PRKCA: variants seen among roughly 807,000 people sequenced by gnomAD.
PRKCA encodes protein kinase C alpha, also known as protein kinase C alpha type.
A neutral mutation model predicts 87.0 loss-of-function variants in PRKCA; 27 were observed. The ratio of observed to expected loss-of-function variants is 0.31; its 90% confidence interval spans 0.23 to 0.43. The LOEUF is 0.43. Among genes scored for constraint, PRKCA ranks in the 20% least tolerant of loss-of-function variants. The probability of loss-of-function intolerance (pLI) is 1.00; values close to 1 mark genes in which losing one functional copy is unlikely to be tolerated. For synonymous variants in PRKCA, 329 were observed against 311.1 expected, an observed-to-expected ratio of 1.06 and a Z score of -0.61; for missense variants, 518 against 852.3, an observed-to-expected ratio of 0.61 and a Z score of 4.88.
At chr17:66,454,443 GT>G (rs753669846) in intron 2 of PRKCA, among the ~76,000 whole-genome samples, 16 of 152,292 alleles carry the variant, frequency 1.1e-4, no homozygotes, top group Non-Finnish European at 1.8e-4. Flanking sequence ...AGATTTGGGT[GT>G]TTAGGGTTGG....
At chr17:66,332,752 C>T (rs947698101) in intron 2 of PRKCA, among the ~76,000 whole-genome samples, 2 of 150,378 alleles carry the variant, frequency 1.3e-5, no homozygotes, top group Admixed American at 6.6e-5. Context: ...AGTGCAGTGG[C>T]ATGATCTCGG....
chr17:66,618,345 C>T (rs1970571986), intron 3 of PRKCA, among the ~76,000 whole-genome samples: 1 of 109,292 alleles, frequency 9.1e-6, no homozygotes, highest in African/African-American at 3.3e-5. Context: ...ATGAGTGAAA[C>T]CCTATCGCAA....
intron 3 of PRKCA, among the ~76,000 whole-genome samples, chr17:66,530,684 G>A (rs1967505147): frequency 6.6e-6 from 1 of 152,126 alleles, no homozygotes; most frequent in African/African-American, 2.4e-5. Context: ...AGGGAAAAGG[G>A]TGGCTCACTG....
chr17:66,319,738 T>C (rs1038653469), intron 2 of PRKCA, among the ~76,000 whole-genome samples: 15 of 148,526 alleles, frequency 1.0e-4, no homozygotes, highest in African/African-American at 3.5e-4. Flanking sequence ...TATACTTCTT[T>C]TTTTTTTTTA....
chr17:66,755,847 A>G (rs1328398371), intron 13 of PRKCA, among the ~76,000 whole-genome samples: 1 of 152,148 alleles, frequency 6.6e-6, no homozygotes, highest in African/African-American at 2.4e-5. Flanking sequence ...GTGCACCAGC[A>G]TTGGTGGTTG....
intron 2 of PRKCA, among the ~76,000 whole-genome samples, chr17:66,449,863 TG>T (rs536770164): frequency 2.3e-4 from 35 of 152,148 alleles, no homozygotes; most frequent in Non-Finnish European, 4.4e-4. Flanking sequence ...TTTTTGTTGT[TG>T]TTTTTTTGTT....
At chr17:66,383,310 A>G (rs1265921778) in intron 2 of PRKCA, among the ~76,000 whole-genome samples, 3 of 152,160 alleles carry the variant, frequency 2.0e-5, no homozygotes, top group African/African-American at 7.2e-5. Context: ...AAGGCATGGT[A>G]CTAATTTCAG....
chr17:66,747,141 C>A (rs960668171), intron 13 of PRKCA, among the ~76,000 whole-genome samples: 2 of 152,186 alleles, frequency 1.3e-5, no homozygotes, highest in Non-Finnish European at 2.9e-5. Context: ...GCAATCATAG[C>A]TCCATGCAGT....
In PRKCA at chr17:66,770,865, G is replaced by C. The variant is rs1261006241; in HGVS notation, c.1525-3122G>C. On this transcript the variant is annotated intron_variant, in intron 13 of 16. Coordinates refer to ENST00000413366, the MANE Select transcript of PRKCA (RefSeq NM_002737.3). ...TTGAGGAGTTCCTTGCCAAAGGCTGGGCTGGCTTAGATGAAGATGCACGTG... is the reference window on the plus strand; with the variant it reads ...TTGAGGAGTTCCTTGCCAAAGGCTGCGCTGGCTTAGATGAAGATGCACGTG... Among the ~76,000 whole-genome samples, 5 of 152,168 alleles carry C rather than the reference G, an allele frequency of 3.3e-5. No individual in the cohort carries two copies. In the East Asian group the frequency reaches 9.6e-4, roughly 29 times the overall value.
At chr17:66,679,174 C>CTT (rs10714678) in intron 5 of PRKCA, among the ~76,000 whole-genome samples, 1 of 121,056 alleles carries the variant, frequency 8.3e-6, no homozygotes, top group South Asian at 2.8e-4. Flanking sequence ...ACACTCACAC[C>CTT]TTTTTTTTTT....
intron 16 of PRKCA, among the ~76,000 whole-genome samples, chr17:66,795,067 C>T (rs1459955044): frequency 2.0e-5 from 3 of 152,040 alleles, no homozygotes; most frequent in South Asian, 2.1e-4. Context: ...TTTTTCTGAA[C>T]CATTTGAGAG....
chr17:66,359,971 C>T (rs1416858005), intron 2 of PRKCA, among the ~76,000 whole-genome samples: 1 of 152,152 alleles, frequency 6.6e-6, no homozygotes, highest in African/African-American at 2.4e-5. Context: ...CTGTTTTTAT[C>T]ACTCCTTAAA....
intron 3 of PRKCA, among the ~76,000 whole-genome samples, chr17:66,591,140 T>C (rs1021362251): frequency 2.0e-5 from 3 of 152,154 alleles, no homozygotes; most frequent in African/African-American, 7.2e-5. Context: ...ATTGTTGTTG[T>C]TGTTTACAAC....
chr17:66,382,322 G>A (rs773879331), intron 2 of PRKCA, among the ~76,000 whole-genome samples: 4 of 151,972 alleles, frequency 2.6e-5, no homozygotes, highest in Non-Finnish European at 5.9e-5. Flanking sequence ...TATTTATTTA[G>A]ACAGAGTCTC....
chr17:66,532,244 T>TA (rs755025122), intron 3 of PRKCA, among the ~76,000 whole-genome samples: 7 of 152,060 alleles, frequency 4.6e-5, no homozygotes, highest in Non-Finnish European at 1.0e-4. Flanking sequence ...TTCAGAGCTT[T>TA]AAAAAAGTCA....
At chr17:66,351,518 T>C (rs1483815753) in intron 2 of PRKCA, among the ~76,000 whole-genome samples, 1 of 152,166 alleles carries the variant, frequency 6.6e-6, no homozygotes, top group African/African-American at 2.4e-5. Flanking sequence ...TAATACCCTA[T>C]ATGTGGCTGT....
intron 2 of PRKCA, among the ~76,000 whole-genome samples, chr17:66,387,213 G>A (rs4536508): frequency 0.79 from 120,528 of 152,198 alleles, 48,224 homozygotes; most frequent in South Asian, 0.87. Context: ...CAACTGCAAC[G>A]AGTGAAATGC....
chr17:66,368,485 G>T (rs1207958716), intron 2 of PRKCA, among the ~76,000 whole-genome samples: 2 of 140,778 alleles, frequency 1.4e-5, no homozygotes, highest in Non-Finnish European at 3.0e-5. Context: ...CCATCTCCCA[G>T]GCTCAAGTGA....
intron 2 of PRKCA, chr17:66,415,984 C>T (rs1912122727): frequency 6.6e-6 from 1 of 152,208 alleles, no homozygotes; most frequent in Admixed American, 6.5e-5. Flanking sequence ...TGCATGCATT[C>T]CCATTCGTTA....
Sources: allele counts gnomAD v4.1 joint callset (sites outside exome capture counted in the v4.1 genomes callset), GRCh38; gene constraint gnomAD v4.1.1; transcripts MANE v1.5; gene names NCBI Gene and HGNC (gene_info 2026-07-23, HGNC 2026-07-21).